GALNTL6: variants seen among roughly 807,000 people sequenced by gnomAD.
GALNTL6 encodes polypeptide N-acetylgalactosaminyltransferase like 6.
Under a neutral mutation model 73.7 loss-of-function variants are expected in GALNTL6, and 46 were observed. The ratio of observed to expected loss-of-function variants is 0.62; its 90% CI spans 0.49 to 0.80. The LOEUF (loss-of-function observed/expected upper bound fraction) is 0.80. GALNTL6 is among the 30% of genes least tolerant of loss of function. The pLI, the probability that GALNTL6 is intolerant of heterozygous loss-of-function variation, is 0.00. For synonymous variants in GALNTL6, 259 were observed against 263.7 expected, an observed-to-expected ratio of 0.98 and a Z score of 0.17; for missense variants, 604 against 755.0, an observed-to-expected ratio of 0.80 and a Z score of 2.34.
chr4:172,122,817 TG>T (rs1378221332), intron 2 of GALNTL6, among the ~76,000 whole-genome samples: 27 of 152,300 alleles, frequency 1.8e-4, no homozygotes, highest in Admixed American at 7.8e-4. Flanking sequence ...ATCTCTTTCC[TG>T]GGGGGAACCC....
rs1214874685 is a variant in GALNTL6, at chr4:172,206,775, G to GTTTTTTTTTTT, written c.139-22875_139-22874insTTTTTTTTTTT. ...ATGCATATCAGAGCAGATGAAACGT[G>GTTTTTTTTTTT]TTTTTTGTTTTGTTTTGTTTTGTTT... On this transcript the variant is annotated intron_variant, in intron 2 of 12. Transcript: ENST00000506823. Among the ~76,000 whole-genome samples, 9 of 79,784 alleles carry GTTTTTTTTTTT rather than the reference G, an allele frequency of 1.1e-4. 3 individuals are homozygous for GTTTTTTTTTTT. Among genetic ancestry groups the GTTTTTTTTTTT allele is most frequent in the Non-Finnish European group, 2.0e-4 (7 of 35,644 alleles). 52.3% of individuals were successfully genotyped at this position (79,784 alleles called of 152,430 possible). A position where few individuals can be genotyped will look rare whatever the true frequency, so the allele number is the denominator to read the frequency against.
rs934438013 is a variant in GALNTL6 at position 172,193,046 on chromosome 4, G to A, written c.139-36610G>A. Among the ~76,000 whole-genome samples the A allele has an allele frequency of 2.6e-5, 4 of 152,334 alleles. No homozygotes were observed. The South Asian group carries it at 8.3e-4, about 32-fold the overall frequency. Reference sequence around the variant, plus strand: ...TGGAATGAAGCACCTGGGTGGAGGGGCAGTGGCAGTCTCTGCAGTTCAGCC... The same window carrying A: ...TGGAATGAAGCACCTGGGTGGAGGGACAGTGGCAGTCTCTGCAGTTCAGCC... On this transcript the variant is annotated intron_variant, in intron 2 of 12. Transcript: ENST00000506823.
intron 2 of GALNTL6, among the ~76,000 whole-genome samples, chr4:171,930,429 C>A (rs1437592649): frequency 1.3e-5 from 2 of 152,148 alleles, no homozygotes; most frequent in African/African-American, 2.4e-5. Context: ...AAGAAAGAGT[C>A]TCAACAAAGT....
rs563510111 is a variant in GALNTL6 at position 172,440,379 on chromosome 4, T to C, written c.553+91690T>C. Among the ~76,000 whole-genome samples the C allele has an allele frequency of 5.9e-5, 9 of 152,168 alleles. No individual in the cohort carries two copies. The South Asian group carries it at 1.9e-3, about 32-fold the overall frequency. ...CATTTTACCAAGTAAAAGAAGCCGA[T>C]CTGGAAAGGCTACATACTATATGAT... On this transcript the variant is annotated intron_variant, in intron 5 of 12. Coordinates refer to ENST00000506823, the MANE Select transcript of GALNTL6 (RefSeq NM_001034845.3).
intron 5 of GALNTL6, among the ~76,000 whole-genome samples, chr4:172,354,121 A>G (rs556310776): frequency 6.6e-6 from 1 of 152,262 alleles, no homozygotes; most frequent in South Asian, 2.1e-4. Flanking sequence ...TTCTGAGACG[A>G]CAGTCGACAA....
At chr4:172,263,356 G>T (rs1174425428) in intron 3 of GALNTL6, among the ~76,000 whole-genome samples, 1 of 151,228 alleles carries the variant, frequency 6.6e-6, no homozygotes, top group Non-Finnish European at 1.5e-5. Context: ...GGGTTGATTT[G>T]AAAGCCTTGT....
intron 7 of GALNTL6, among the ~76,000 whole-genome samples, chr4:172,817,764 A>C (rs918249056): frequency 1.3e-5 from 2 of 152,224 alleles, no homozygotes; most frequent in Non-Finnish European, 2.9e-5. Flanking sequence ...ACAATGTCCA[A>C]GACAGGCATC....
intron 2 of GALNTL6, among the ~76,000 whole-genome samples, chr4:171,899,678 G>C (rs762395473): frequency 1.3e-5 from 2 of 152,088 alleles, no homozygotes; most frequent in African/African-American, 2.4e-5. Context: ...TAATTGCTAG[G>C]AATCTAAATT....
intron 7 of GALNTL6, among the ~76,000 whole-genome samples, chr4:172,824,410 T>G (rs1742124305): frequency 1.4e-5 from 2 of 146,170 alleles, no homozygotes; most frequent in African/African-American, 2.6e-5. Context: ...GTGTGTGTGT[T>G]CATGTGTGTG....
rs145502494 is a variant in GALNTL6, at chr4:172,185,605, T to C, written c.139-44051T>C. Among the ~76,000 whole-genome samples the C allele has an allele frequency of 1.2e-4, 19 of 152,356 alleles. No homozygotes were observed. The South Asian group carries it at 3.7e-3, about 30-fold the overall frequency. On this transcript the variant is annotated intron_variant, in intron 2 of 12. Transcript: ENST00000506823. ...TAAATCATCTTTATAACTGGATTTG[T>C]AGTAATTCTTAAGTATAATTTGAGA...
chr4:172,684,707 C>T (rs1239344415), intron 5 of GALNTL6, among the ~76,000 whole-genome samples: 3 of 152,114 alleles, frequency 2.0e-5, no homozygotes, highest in African/African-American at 7.2e-5. Flanking sequence ...TGGTGGCTCA[C>T]TGGGAGTGGA....
intron 3 of GALNTL6, among the ~76,000 whole-genome samples, chr4:172,231,433 A>T (rs571849190): frequency 2.6e-5 from 4 of 152,292 alleles, no homozygotes; most frequent in African/African-American, 9.6e-5. Context: ...GTTCCTACAA[A>T]TTTATTAAAT....
At chr4:172,775,349 G>T (rs1739014228) in intron 5 of GALNTL6, among the ~76,000 whole-genome samples, 1 of 152,156 alleles carries the variant, frequency 6.6e-6, no homozygotes, top group South Asian at 2.1e-4. Context: ...TACCTAAGAA[G>T]ATTTACTAAT....
At chr4:172,239,276 A>G (rs185882488) in intron 3 of GALNTL6, among the ~76,000 whole-genome samples, 21 of 152,200 alleles carry the variant, frequency 1.4e-4, no homozygotes, top group African/African-American at 5.1e-4. Flanking sequence ...TTCAGAATCA[A>G]TTATTGGTCT....
chr4:172,276,209 A>G (rs1579324005), intron 3 of GALNTL6, among the ~76,000 whole-genome samples: 2 of 152,326 alleles, frequency 1.3e-5, no homozygotes, highest in South Asian at 4.1e-4. Flanking sequence ...ATCTCCGAAG[A>G]AGAAACATGT....
At chr4:172,287,301 C>T (rs1476189279) in intron 3 of GALNTL6, among the ~76,000 whole-genome samples, 1 of 152,168 alleles carries the variant, frequency 6.6e-6, no homozygotes. Context: ...CTAGCCCATG[C>T]AACTAGGGCT....
intron 2 of GALNTL6, among the ~76,000 whole-genome samples, chr4:172,010,989 A>C (rs1740989463): frequency 6.6e-6 from 1 of 152,094 alleles, no homozygotes; most frequent in African/African-American, 2.4e-5. Context: ...TTAATAGAGA[A>C]ATTGCAACCC....
chr4:172,163,799 A>G (rs1734542377), intron 2 of GALNTL6, among the ~76,000 whole-genome samples: 2 of 151,992 alleles, frequency 1.3e-5, no homozygotes, highest in African/African-American at 4.8e-5. Context: ...AATTCCAAAG[A>G]TGGTTCGTTA....
At chr4:171,919,037 A>G (rs1356648615) in intron 2 of GALNTL6, among the ~76,000 whole-genome samples, 2 of 152,174 alleles carry the variant, frequency 1.3e-5, no homozygotes, top group African/African-American at 4.8e-5. Context: ...GTTGCAGTCA[A>G]GCAAGAGGAA....
Sources: gnomAD v4.1 joint callset for allele counts (sites outside exome capture counted in the v4.1 genomes callset) on GRCh38, gnomAD v4.1.1 for gene constraint, MANE v1.5 for transcripts, NCBI Gene and HGNC (gene_info 2026-07-23, HGNC 2026-07-21) for gene names.